CADM2: variants seen among roughly 807,000 people sequenced by gnomAD.
CADM2 encodes the protein cell adhesion molecule 2.
A neutral mutation model predicts 49.8 loss-of-function variants in CADM2; 12 were observed. The ratio of observed to expected loss-of-function variants is 0.24; its 90% confidence interval spans 0.15 to 0.39. CADM2 has a LOEUF of 0.39. Among genes scored for constraint, CADM2 ranks in the 10% least tolerant of loss-of-function variants. The pLI is 1.00. For synonymous variants in CADM2, 214 were observed against 175.4 expected (o/e 1.22, Z -1.74); for missense variants, 378 against 492.3 (o/e 0.77, Z 2.20).
At chr3:86,050,037 A>T (rs956631910) in intron 8 of CADM2, among the ~76,000 whole-genome samples, 1 of 152,220 alleles carries the variant, frequency 6.6e-6, no homozygotes, top group African/African-American at 2.4e-5. Flanking sequence ...TCCAAAGTTC[A>T]AAGTCTCATC....
At position 85,930,959 on chromosome 3, in the gene CADM2, A is replaced by T. The variant is rs141120019; in HGVS notation, c.701-4808A>T. ...AAATGTTAATTAATTAATAGTTCAG[A>T]TTAATTATAATGTTAATCTTGTTAA... On this transcript the variant is annotated intron_variant, in intron 6 of 9. Transcript: ENST00000383699. 9.4e-3 allele frequency among the ~76,000 whole-genome samples: 1,422 copies of T among 150,610 alleles called. 28 individuals carry two copies. Among genetic ancestry groups the T allele is most frequent in the East Asian group, 0.044 (228 of 5,158 alleles).
At chr3:85,539,630 A>T (rs1276833615) in intron 1 of CADM2, among the ~76,000 whole-genome samples, 1 of 152,084 alleles carries the variant, frequency 6.6e-6, no homozygotes, top group Non-Finnish European at 1.5e-5. Flanking sequence ...TAAATAGTTC[A>T]TTTACTTGCC....
At chr3:85,090,971 C>A (rs1272476390) in intron 1 of CADM2, among the ~76,000 whole-genome samples, 1 of 152,134 alleles carries the variant, frequency 6.6e-6, no homozygotes, top group Non-Finnish European at 1.5e-5. Context: ...AGACTTAAAG[C>A]ATGGTGGGGC....
At chr3:85,290,729 T>C (rs1231841128) in intron 1 of CADM2, among the ~76,000 whole-genome samples, 1 of 152,204 alleles carries the variant, frequency 6.6e-6, no homozygotes, top group Non-Finnish European at 1.5e-5. Flanking sequence ...CTGAGGGTCC[T>C]GTCTGTTAGA....
chr3:85,867,889 C>T (rs771640013), intron 3 of CADM2, among the ~76,000 whole-genome samples: 2 of 151,962 alleles, frequency 1.3e-5, no homozygotes, highest in African/African-American at 2.4e-5. Flanking sequence ...CATCTATTTC[C>T]ACCTTGCCTT....
At chr3:85,209,358 G>T (rs1432893480) in intron 1 of CADM2, among the ~76,000 whole-genome samples, 1 of 151,990 alleles carries the variant, frequency 6.6e-6, no homozygotes, top group Non-Finnish European at 1.5e-5. Flanking sequence ...TCTGAGGAGA[G>T]TATTTTTTCT....
At chr3:85,957,398 A>G (rs1473768954) in intron 7 of CADM2, among the ~76,000 whole-genome samples, 1 of 151,832 alleles carries the variant, frequency 6.6e-6, no homozygotes, top group South Asian at 2.1e-4. Flanking sequence ...CAGAATTTTC[A>G]TAGATATAGA....
chr3:85,953,768 A>C (rs1224806124), intron 7 of CADM2, among the ~76,000 whole-genome samples: 1 of 150,438 alleles, frequency 6.6e-6, no homozygotes, highest in East Asian at 2.0e-4. Context: ...TTTATAGATA[A>C]TTATTTGATA....
At chr3:85,801,962 G>A (rs991070097) in intron 2 of CADM2, 85 bp from the exon 3 acceptor site, 4 of 1,084,638 alleles carry the variant, frequency 3.7e-6, no homozygotes, top group Non-Finnish European at 5.2e-6. Flanking sequence ...TATTTTGCAT[G>A]AGAAGTTAAG....
intron 1 of CADM2, among the ~76,000 whole-genome samples, chr3:85,037,736 T>C (rs1448472467): frequency 5.9e-5 from 9 of 152,202 alleles, no homozygotes; most frequent in Non-Finnish European, 1.3e-4. Context: ...TCCTAAAAAC[T>C]TGGCTACTTA....
intron 1 of CADM2, among the ~76,000 whole-genome samples, chr3:85,568,396 CCTCTTT>C (rs1308862052): frequency 2.9e-5 from 3 of 102,564 alleles, no homozygotes; most frequent in African/African-American, 3.0e-5. Flanking sequence ...TTCCTTCCTC[CCTCTTT>C]CTTTCTTTCT....
At chr3:85,812,291 T>A (rs1300311830) in intron 3 of CADM2, among the ~76,000 whole-genome samples, 1 of 151,938 alleles carries the variant, frequency 6.6e-6, no homozygotes. Flanking sequence ...AGAAAAAAAA[T>A]AATTCGACTT....
chr3:84,970,040 C>A (rs918811566), intron 1 of CADM2, among the ~76,000 whole-genome samples: 3 of 136,008 alleles, frequency 2.2e-5, no homozygotes, highest in Non-Finnish European at 3.1e-5. Context: ...TGTGGACTGA[C>A]CTGCTTTTTT....
chr3:85,728,342 G>A (rs73845629), intron 2 of CADM2, among the ~76,000 whole-genome samples: 1 of 152,150 alleles, frequency 6.6e-6, no homozygotes, highest in African/African-American at 2.4e-5. Flanking sequence ...TTAACACATA[G>A]CTTTCCGCAT....
intron 1 of CADM2, among the ~76,000 whole-genome samples, chr3:85,710,126 G>T: frequency 6.6e-6 from 1 of 152,208 alleles, no homozygotes; most frequent in South Asian, 2.1e-4. Flanking sequence ...TATAGTGTAT[G>T]TATAGAGGTA....
chr3:85,875,731 C>T (rs527343542), intron 3 of CADM2, among the ~76,000 whole-genome samples: 1 of 152,236 alleles, frequency 6.6e-6, no homozygotes, highest in East Asian at 1.9e-4. Context: ...AAGCAATTAG[C>T]ACAGGACTAA....
At chr3:85,053,836 C>T (rs2035975369) in intron 1 of CADM2, among the ~76,000 whole-genome samples, 1 of 151,854 alleles carries the variant, frequency 6.6e-6, no homozygotes, top group Non-Finnish European at 1.5e-5. Flanking sequence ...GGCTGCCACC[C>T]TCATGTTTAA....
At chr3:85,697,608 T>A (rs1029872305) in intron 1 of CADM2, among the ~76,000 whole-genome samples, 8 of 152,198 alleles carry the variant, frequency 5.3e-5, no homozygotes, top group Non-Finnish European at 1.0e-4. Context: ...TATAAAGTGA[T>A]TATTTGTTGG....
At chr3:85,945,406 G>A (rs149773681) in intron 7 of CADM2, among the ~76,000 whole-genome samples, 5,079 of 152,114 alleles carry the variant, frequency 0.033, 285 homozygotes, top group African/African-American at 0.12. Flanking sequence ...GAAAAAGAGG[G>A]AATCCTCCCC....
Sources: gnomAD v4.1 joint callset for allele counts (sites outside exome capture counted in the v4.1 genomes callset) on GRCh38, gnomAD v4.1.1 for gene constraint, MANE v1.5 for transcripts, NCBI Gene and HGNC (gene_info 2026-07-23, HGNC 2026-07-21) for gene names.